The following ACACB variants were observed in gnomAD, a reference collection of about 807,000 sequenced individuals.
The protein encoded by ACACB is acetyl-CoA carboxylase 2.
In ACACB, 209 loss-of-function variants were observed where a neutral mutation model predicts 278.8. That is an observed-to-expected ratio of 0.75 (90% CI 0.67 to 0.84). The LOEUF is 0.84. ACACB is among the 40% of genes least tolerant of loss of function. The pLI, the probability that ACACB is intolerant of heterozygous loss-of-function variation, is 0.00. For missense variants in ACACB, 2,850 were observed against 3,269.0 expected (o/e 0.87, Z 3.13); for synonymous variants, 1,174 against 1,285.6 (o/e 0.91, Z 1.86).
intron 2 of ACACB, among the ~76,000 whole-genome samples, chr12:109,156,858 G>T (rs1169564536): frequency 1.3e-5 from 2 of 152,044 alleles, no homozygotes; most frequent in African/African-American, 4.8e-5. Context: ...AGGCTGATGG[G>T]TGCAACAGTA....
chr12:109,174,061 G>A (rs1222404808), intron 6 of ACACB, 71 bp from the exon 7 acceptor site: 13 of 1,357,918 alleles, frequency 9.6e-6, no homozygotes, highest in African/African-American at 1.4e-5. Context: ...CCGTGCACTC[G>A]GTCGGCCTTC....
intron 19 of ACACB, among the ~76,000 whole-genome samples, chr12:109,204,555 G>A (rs1302434494): frequency 4.0e-5 from 6 of 151,880 alleles, no homozygotes; most frequent in African/African-American, 1.2e-4. Flanking sequence ...GATTACAGGT[G>A]TGAGCCACCA....
At position 109,201,658 on chromosome 12, in the gene ACACB, T is replaced by C; in HGVS notation, c.2870T>C (p.Val957Ala). Residue 957 changes from valine to alanine, a missense_variant, in exon 19 of 53, where the codon GTG becomes GCG. Val to Ala is a moderately conservative substitution (Grantham distance 64). Coordinates refer to ENST00000338432, the MANE Select transcript of ACACB (RefSeq NM_001093.4). Reference sequence around the variant, plus strand: ...GGTGCCGTGCTGGAAGCAGGCTGCGTGGTGGCCAGGCTGGAGCTCGATGAC... The same window carrying C: ...GGTGCCGTGCTGGAAGCAGGCTGCGCGGTGGCCAGGCTGGAGCTCGATGAC... The part of the protein sequence containing the change: ...RPGAVLEAGC[V>A]VARLELDDPS... The C allele has an allele frequency of 1.2e-6, 2 of 1,614,216 alleles. No homozygotes were observed. Among genetic ancestry groups the C allele is most frequent in the Non-Finnish European group, 1.7e-6 (2 of 1,180,038 alleles).
chr12:109,215,265 C>A (rs991931408), intron 22 of ACACB, among the ~76,000 whole-genome samples: 1 of 151,790 alleles, frequency 6.6e-6, no homozygotes, highest in Admixed American at 6.6e-5. Flanking sequence ...GTTCAGTATC[C>A]GAAATCTATG....
At chr12:109,215,620 C>T (rs185767611) in intron 22 of ACACB, among the ~76,000 whole-genome samples, 140 of 152,056 alleles carry the variant, frequency 9.2e-4, no homozygotes, top group African/African-American at 3.3e-3. Context: ...AAAAATTAGC[C>T]GAGCGTGGGT....
intron 21 of ACACB, among the ~76,000 whole-genome samples, chr12:109,211,892 T>C (rs780939572): frequency 3.9e-5 from 6 of 152,168 alleles, no homozygotes; most frequent in Non-Finnish European, 8.8e-5. Context: ...GAATTTGTCA[T>C]TGATCCAGGT....
Position 109,147,845 on chromosome 12 carries a change from GATTA to G in ACACB, c.653+7801_653+7804del, listed in dbSNP as rs150591686. On this transcript the variant is annotated intron_variant, in intron 2 of 52. Coordinates refer to ENST00000338432, the MANE Select transcript of ACACB (RefSeq NM_001093.4). ...GAATGAATGGATGAATGAATGAATG[GATTA>G]ATTAATTAATTAACAGGTGAATAGG... Among the ~76,000 whole-genome samples the G allele has an allele frequency of 9.4e-3, 1,434 of 152,290 alleles. 12 individuals carry two copies. The highest frequency in any genetic ancestry group is 0.011 in the African/African-American group (464 of 41,554).
chr12:109,226,537 T>G (rs1014832724), intron 27 of ACACB, among the ~76,000 whole-genome samples: 1 of 151,076 alleles, frequency 6.6e-6, no homozygotes, highest in Non-Finnish European at 1.5e-5. Context: ...CCGTCTCTAC[T>G]AAAAATACAA....
At chr12:109,128,047 C>T (rs974985173) in intron 1 of ACACB, among the ~76,000 whole-genome samples, 2 of 152,200 alleles carry the variant, frequency 1.3e-5, no homozygotes, top group African/African-American at 4.8e-5. Context: ...TTCAAAGTCC[C>T]AGTGCAGATG....
intron 7 of ACACB, 77 bp from the exon 8 acceptor site, chr12:109,175,854 G>A (rs2044266122): frequency 7.9e-7 from 1 of 1,261,658 alleles, no homozygotes; most frequent in Non-Finnish European, 1.2e-6. Context: ...TGTCAGCAGG[G>A]AGAGGCGCTG....
At chr12:109,259,317 A>C (rs2047316478) in intron 47 of ACACB, among the ~76,000 whole-genome samples, 1 of 152,130 alleles carries the variant, frequency 6.6e-6, no homozygotes, top group Non-Finnish European at 1.5e-5. Context: ...AGACACCTGT[A>C]ATCCCGGTGC....
chr12:109,211,374 C>T (rs1463093377), intron 21 of ACACB, among the ~76,000 whole-genome samples: 2 of 146,280 alleles, frequency 1.4e-5, no homozygotes, highest in African/African-American at 5.1e-5. Flanking sequence ...TGAGACCTCC[C>T]GAATAGTTGG....
At chr12:109,147,752 G>A (rs1036907648) in intron 2 of ACACB, among the ~76,000 whole-genome samples, 1 of 152,146 alleles carries the variant, frequency 6.6e-6, no homozygotes, top group Non-Finnish European at 1.5e-5. Context: ...GCCAAAGACA[G>A]AATTCTGCAT....
Position 109,259,024 on chromosome 12 carries a change from G to T in ACACB, c.6412G>T (p.Ala2138Ser). The part of the protein sequence containing the change: ...VWFPDSAYKT[A>S]QAVKDFNREK... Reference sequence around the variant, plus strand: ...GTTCCCAGACTCAGCCTACAAAACCGCCCAGGCCGTCAAGGACTTCAACCG... The same window carrying T: ...GTTCCCAGACTCAGCCTACAAAACCTCCCAGGCCGTCAAGGACTTCAACCG... The change falls in exon 47 of 53, where the codon GCC becomes TCC. Residue 2138 changes from alanine to serine, a missense_variant. By Grantham distance (99) the Ala-to-Ser change is moderately conservative. This residue lies in a region of ACACB where 579 missense variants were observed against 684.6 expected (regional missense o/e 0.85). Coordinates refer to ENST00000338432, the MANE Select transcript of ACACB (RefSeq NM_001093.4). The T allele has an allele frequency of 4.3e-6, 7 of 1,614,112 alleles. No homozygotes were observed. The highest frequency in any genetic ancestry group is 5.9e-6 in the Non-Finnish European group (7 of 1,180,002).
At chr12:109,210,276 C>CACACATATCTGCGTGTATATGTATATAT (rs1565927710) in intron 21 of ACACB, among the ~76,000 whole-genome samples, 1 of 5,760 alleles carries the variant, frequency 1.7e-4, no homozygotes, top group Non-Finnish European at 4.4e-4. Flanking sequence ...TGTACATATA[C>CACACATATCTGCGTGTATATGTATATAT]ACACACATAT....
chr12:109,202,774 A>G (rs2045375279), intron 19 of ACACB, among the ~76,000 whole-genome samples: 1 of 152,224 alleles, frequency 6.6e-6, no homozygotes, highest in Admixed American at 6.5e-5. Context: ...TTGCAATAAT[A>G]TGGTCCATTT....
intron 34 of ACACB, among the ~76,000 whole-genome samples, chr12:109,238,305 C>T (rs964826955): frequency 6.8e-6 from 1 of 146,418 alleles, no homozygotes; most frequent in Non-Finnish European, 1.5e-5. Flanking sequence ...GAGTGGTCCA[C>T]CACATATTAT....
intron 4 of ACACB, among the ~76,000 whole-genome samples, chr12:109,169,446 T>C (rs246093): frequency 0.69 from 104,296 of 152,054 alleles, 38,149 homozygotes; most frequent in Middle Eastern, 0.87. Context: ...CAGAGCATCA[T>C]CCAGTGGGTC....
In ACACB at chr12:109,181,491, G is replaced by C. The variant is rs960505544; in HGVS notation, c.1818+1404G>C. Among the ~76,000 whole-genome samples, 7 of 152,170 alleles carry C rather than the reference G, an allele frequency of 4.6e-5. No individual in the cohort carries two copies. In the East Asian group the frequency reaches 1.4e-3, roughly 29 times the overall value. The stretch of plus-strand genomic sequence containing the variant: ...GATCTGCCCACCTCAACTTCCCAAA[G>C]TGCTAGGATTACAGGCATGAGCCAC... On this transcript the variant is annotated intron_variant, in intron 11 of 52. Transcript: ENST00000338432.
Sources: allele counts gnomAD v4.1 joint callset (sites outside exome capture counted in the v4.1 genomes callset), GRCh38; gene constraint gnomAD v4.1.1; regional missense constraint gnomAD v4.1.1; transcripts MANE v1.5; gene names NCBI Gene and HGNC (gene_info 2026-07-23, HGNC 2026-07-21).